The following MCTP1 variants were observed in gnomAD, a reference collection of about 807,000 sequenced individuals.
MCTP1 encodes multiple C2 and transmembrane domain-containing protein 1.
Under a neutral mutation model 120.6 loss-of-function variants are expected in MCTP1, and 69 were observed. The observed-to-expected ratio is 0.57, with a 90% CI of 0.47 to 0.70. The LOEUF (loss-of-function observed/expected upper bound fraction) is 0.70, where lower values mean the gene tolerates loss of function less well. MCTP1 is among the 30% of genes least tolerant of loss of function. MCTP1 has a pLI of 0.00. For missense variants in MCTP1, 1,203 were observed against 1,248.8 expected, an observed-to-expected ratio of 0.96 and a Z score of 0.55; for synonymous variants, 529 against 493.1, an observed-to-expected ratio of 1.07 and a Z score of -0.96.
In MCTP1 at chr5:95,244,404, G is replaced by C. The variant is rs186285773; in HGVS notation, c.720+39452C>G. ...ACCTCACCCGGGAAGCACAAGGGGTGGGGGGATTTCCCTTTCCTAGCCAAG... is the reference window on the plus strand; with the variant it reads ...ACCTCACCCGGGAAGCACAAGGGGTCGGGGGATTTCCCTTTCCTAGCCAAG... On this transcript the variant is annotated intron_variant, in intron 1 of 22. Coordinates refer to ENST00000515393, the MANE Select transcript of MCTP1 (RefSeq NM_024717.7). Among the ~76,000 whole-genome samples, 97 of 152,284 alleles carry C rather than the reference G, an allele frequency of 6.4e-4. 1 individual carries two copies. Among genetic ancestry groups the C allele is most frequent in the African/African-American group, 2.3e-3 (96 of 41,554 alleles).
At chr5:94,828,439 C>T (rs1356682766) in intron 17 of MCTP1, among the ~76,000 whole-genome samples, 1 of 152,220 alleles carries the variant, frequency 6.6e-6, no homozygotes, top group East Asian at 1.9e-4. Flanking sequence ...GTCAAGGACC[C>T]ACTTAAGGAA....
rs373381528 is a variant in MCTP1 at position 95,052,088 on chromosome 5, CA to C, written c.721-34605del. 2.4e-4 allele frequency among the ~76,000 whole-genome samples: 36 copies of C among 152,168 alleles called. No individual in the cohort carries two copies. In the East Asian group the frequency reaches 6.0e-3, roughly 25 times the overall value. Reference sequence around the variant, plus strand: ...GAGCTGCAAGAGGGTATCCTAAAAGCAAAGCAATTGCTTGTAATATTAAGAT... The same window carrying C: ...GAGCTGCAAGAGGGTATCCTAAAAGCAAGCAATTGCTTGTAATATTAAGAT... On this transcript the variant is annotated intron_variant, in intron 1 of 22. Coordinates refer to ENST00000515393, the MANE Select transcript of MCTP1 (RefSeq NM_024717.7).
chr5:94,943,181 A>C (rs1213503175), intron 3 of MCTP1, among the ~76,000 whole-genome samples: 3 of 152,034 alleles, frequency 2.0e-5, no homozygotes, highest in Admixed American at 2.0e-4. Flanking sequence ...GGAGCAAATA[A>C]ATGTCTAAGA....
At chr5:94,819,319 C>T (rs574229961) in intron 17 of MCTP1, among the ~76,000 whole-genome samples, 6 of 151,924 alleles carry the variant, frequency 3.9e-5, no homozygotes, top group South Asian at 2.1e-4. Flanking sequence ...TTAGTAGAGA[C>T]GGAGTTTCAC....
chr5:95,283,672 G>A (rs1760500560), intron 1 of MCTP1, among the ~76,000 whole-genome samples, 184 bp downstream of exon 1: 1 of 152,252 alleles, frequency 6.6e-6, no homozygotes, highest in Non-Finnish European at 1.5e-5. Flanking sequence ...GTGCAAGTCA[G>A]AACTCTTTCA....
chr5:95,201,188 C>T (rs1281553794), intron 1 of MCTP1, among the ~76,000 whole-genome samples: 1 of 152,184 alleles, frequency 6.6e-6, no homozygotes, highest in East Asian at 1.9e-4. Flanking sequence ...CTTCTTTGAA[C>T]TTGTACACCT....
chr5:95,149,335 T>C (rs1760686798), intron 1 of MCTP1, among the ~76,000 whole-genome samples: 1 of 152,152 alleles, frequency 6.6e-6, no homozygotes, highest in Admixed American at 6.5e-5. Context: ...GAGTAGGGGC[T>C]CCTCTACTGC....
intron 1 of MCTP1, among the ~76,000 whole-genome samples, chr5:95,067,930 C>T (rs1032338551): frequency 3.3e-5 from 5 of 152,138 alleles, no homozygotes; most frequent in South Asian, 2.1e-4. Flanking sequence ...TCATCAACAT[C>T]GACCCTTTCC....
At chr5:95,000,683 ACT>A (rs1443418985) in intron 2 of MCTP1, among the ~76,000 whole-genome samples, 2 of 152,220 alleles carry the variant, frequency 1.3e-5, no homozygotes, top group African/African-American at 2.4e-5. Context: ...TTATGACAAG[ACT>A]CAAAAAATTC....
intron 2 of MCTP1, among the ~76,000 whole-genome samples, chr5:94,989,330 C>A (rs529947978): frequency 6.6e-6 from 1 of 152,118 alleles, no homozygotes; most frequent in East Asian, 1.9e-4. Context: ...ACATTAGTTG[C>A]TATTGTGATA....
intron 19 of MCTP1, among the ~76,000 whole-genome samples, chr5:94,769,725 C>T (rs187027860): frequency 6.6e-6 from 1 of 152,024 alleles, no homozygotes; most frequent in Non-Finnish European, 1.5e-5. Flanking sequence ...GATTTTTAAA[C>T]TCTGGGACTT....
intron 9 of MCTP1, among the ~76,000 whole-genome samples, chr5:94,911,181 G>T (rs1343407333): frequency 1.3e-5 from 2 of 152,176 alleles, no homozygotes; most frequent in African/African-American, 4.8e-5. Flanking sequence ...AATCTATAGA[G>T]ATTATGACAC....
intron 5 of MCTP1, among the ~76,000 whole-genome samples, 185 bp downstream of exon 5, chr5:94,939,899 T>C (rs1273778992): frequency 1.3e-5 from 2 of 152,066 alleles, no homozygotes; most frequent in Admixed American, 6.6e-5. Context: ...CTGGAGGATG[T>C]AATAGGAAAT....
intron 1 of MCTP1, among the ~76,000 whole-genome samples, chr5:95,186,391 A>G (rs1163691013): frequency 6.6e-6 from 1 of 152,120 alleles, no homozygotes; most frequent in Non-Finnish European, 1.5e-5. Context: ...ACATGCAGAA[A>G]CTGAAATTTA....
intron 1 of MCTP1, among the ~76,000 whole-genome samples, chr5:95,217,541 G>A (rs1408152497): frequency 6.6e-6 from 1 of 152,122 alleles, no homozygotes; most frequent in East Asian, 1.9e-4. Flanking sequence ...GGAATGTGAG[G>A]TCATAATCTC....
chr5:94,988,598 T>TG (rs373479775), intron 2 of MCTP1, among the ~76,000 whole-genome samples: 2,453 of 64,420 alleles, frequency 0.038, 12 homozygotes, highest in Non-Finnish European at 0.043. Context: ...CCTGTGTGTG[T>TG]TTTTTTTTTT....
chr5:94,750,314 A>G (rs980416247), intron 19 of MCTP1, among the ~76,000 whole-genome samples: 13 of 152,178 alleles, frequency 8.5e-5, no homozygotes, highest in East Asian at 1.9e-4. Context: ...TATTTTCTCA[A>G]TGGTTCAAAT....
intron 1 of MCTP1, among the ~76,000 whole-genome samples, chr5:95,126,362 G>C (rs1372263356): frequency 1.3e-5 from 2 of 152,142 alleles, no homozygotes; most frequent in Non-Finnish European, 2.9e-5. Flanking sequence ...TCATATTAAA[G>C]AAATGAAGGC....
intron 17 of MCTP1, among the ~76,000 whole-genome samples, chr5:94,853,144 A>G (rs1794077836): frequency 6.6e-6 from 1 of 151,946 alleles, no homozygotes; most frequent in Admixed American, 6.6e-5. Flanking sequence ...AAACCACATT[A>G]CTTTTGGGAA....
Sources: gnomAD v4.1 joint callset for allele counts (sites outside exome capture counted in the v4.1 genomes callset) on GRCh38, gnomAD v4.1.1 for gene constraint, MANE v1.5 for transcripts, NCBI Gene and HGNC (gene_info 2026-07-23, HGNC 2026-07-21) for gene names.